ASTN1: variants seen among roughly 807,000 people sequenced by gnomAD.
ASTN1 encodes the protein astrotactin-1.
A neutral mutation model predicts 140.7 loss-of-function variants in ASTN1; 41 were observed. That is an observed-to-expected ratio of 0.29 (90% confidence interval 0.23 to 0.38). The LOEUF (loss-of-function observed/expected upper bound fraction) is 0.38, where lower values mean the gene tolerates loss of function less well. Among genes scored for constraint, ASTN1 ranks in the 10% least tolerant of loss-of-function variants. The pLI is 1.00. For synonymous variants in ASTN1, 640 were observed against 652.2 expected (o/e 0.98, Z 0.29); for missense variants, 1,479 against 1,678.8 (o/e 0.88, Z 2.08).
chr1:176,917,616 G>A (rs1288465048), intron 16 of ASTN1, among the ~76,000 whole-genome samples: 7 of 152,098 alleles, frequency 4.6e-5, no homozygotes, highest in Admixed American at 4.6e-4. Flanking sequence ...ATGAAGCCTT[G>A]GGTTCCAGTT....
intron 14 of ASTN1, among the ~76,000 whole-genome samples, chr1:176,938,267 A>G (rs1357997837): frequency 6.6e-6 from 1 of 152,222 alleles, no homozygotes. Flanking sequence ...CTTTAAAGGT[A>G]TATTTTATTA....
chr1:176,922,410 A>G (rs1670766270), intron 16 of ASTN1, among the ~76,000 whole-genome samples: 2 of 151,956 alleles, frequency 1.3e-5, no homozygotes, highest in Admixed American at 1.3e-4. Context: ...TTTGCACTTA[A>G]AAGGGAGTAA....
Position 177,146,160 on chromosome 1 carries a change from T to C in ASTN1, c.283+18234A>G, listed in dbSNP as rs566960667. Among the ~76,000 whole-genome samples, 3 of 152,338 alleles carry C rather than the reference T, an allele frequency of 2.0e-5. No homozygotes were observed. The East Asian group carries it at 5.8e-4, about 29-fold the overall frequency. ...TGAGAACAATAACAGTGTCCAACTT[T>C]TTTTGCAAATTTTTTAAATACTGGC... On this transcript the variant is annotated intron_variant, in intron 1 of 22. Transcript: ENST00000361833.
intron 18 of ASTN1, among the ~76,000 whole-genome samples, chr1:176,887,282 A>G (rs1464766402): frequency 6.6e-6 from 1 of 152,114 alleles, no homozygotes; most frequent in Non-Finnish European, 1.5e-5. Flanking sequence ...CAACTACCCC[A>G]TGACAGCTCC....
chr1:177,122,236 G>A (rs1681428485), intron 1 of ASTN1, among the ~76,000 whole-genome samples: 1 of 152,184 alleles, frequency 6.6e-6, no homozygotes, highest in Non-Finnish European at 1.5e-5. Context: ...AATGTGGAAG[G>A]CGGGAGACTC....
At chr1:177,017,821 G>A (rs766706342) in intron 7 of ASTN1, among the ~76,000 whole-genome samples, 34 of 152,120 alleles carry the variant, frequency 2.2e-4, no homozygotes, top group Non-Finnish European at 3.8e-4. Context: ...GACAGTAGAC[G>A]CCTCGAGGTA....
intron 1 of ASTN1, among the ~76,000 whole-genome samples, chr1:177,066,244 C>T (rs891230656): frequency 6.6e-6 from 1 of 152,168 alleles, no homozygotes; most frequent in Non-Finnish European, 1.5e-5. Context: ...CATGTTCCCA[C>T]TGGACCTCAG....
chr1:176,943,077 G>C (rs1481764826), intron 14 of ASTN1, among the ~76,000 whole-genome samples: 1 of 151,598 alleles, frequency 6.6e-6, no homozygotes, highest in East Asian at 2.0e-4. Flanking sequence ...ATAGGGAGAA[G>C]TGTAACAGAG....
chr1:177,132,471 C>T (rs1681987202), intron 1 of ASTN1, among the ~76,000 whole-genome samples: 1 of 152,132 alleles, frequency 6.6e-6, no homozygotes, highest in South Asian at 2.1e-4. Flanking sequence ...CATGCCCTTT[C>T]CTGAACCCAA....
At chr1:177,075,645 C>CTTTTTTTTTTTTTT (rs5778927) in intron 1 of ASTN1, among the ~76,000 whole-genome samples, 22 of 99,494 alleles carry the variant, frequency 2.2e-4, no homozygotes, top group Non-Finnish European at 2.6e-4. Flanking sequence ...CTTTTCTTTT[C>CTTTTTTTTTTTTTT]TTTTTTTTTT....
chr1:177,070,224 A>G (rs1305347108), intron 1 of ASTN1, among the ~76,000 whole-genome samples: 6 of 152,184 alleles, frequency 3.9e-5, no homozygotes, highest in South Asian at 4.1e-4. Context: ...GGAATTTTGG[A>G]AAAAGTCAAA....
chr1:177,031,974 G>A (rs1676466232), intron 3 of ASTN1, among the ~76,000 whole-genome samples: 1 of 152,154 alleles, frequency 6.6e-6, no homozygotes, highest in African/African-American at 2.4e-5. Flanking sequence ...AGAGAGCACA[G>A]AGGCATGAGC....
intron 8 of ASTN1, among the ~76,000 whole-genome samples, chr1:176,979,063 G>A (rs1673490111): frequency 6.6e-6 from 1 of 152,188 alleles, no homozygotes; most frequent in Admixed American, 6.5e-5. Flanking sequence ...ACCACACGTT[G>A]AGGAAAGTGC....
At position 177,014,832 on chromosome 1, in the gene ASTN1, A is replaced by C; in HGVS notation, c.1482T>G (p.His494Gln). 6.2e-7 allele frequency: 1 copy of C among 1,613,882 alleles called. No homozygotes were observed. Among genetic ancestry groups the C allele is most frequent in the Non-Finnish European group, 8.5e-7 (1 of 1,179,822 alleles). The change falls in exon 8 of 23, where the codon CAT becomes CAG. Residue 494 changes from histidine to glutamine, a missense_variant. This residue lies in a region of ASTN1 where 729 missense variants were observed against 860.4 expected (regional missense o/e 0.85). Coordinates refer to ENST00000361833, the MANE Select transcript of ASTN1 (RefSeq NM_004319.3). ...CYEGYMKDPV[H>Q]KHLCIRNEWG... ...ATTCGTTCCGAATGCAAAGGTGCTTATGTACTGGATCCTTCATGTAGCCTT... is the reference window on the plus strand; with the variant it reads ...ATTCGTTCCGAATGCAAAGGTGCTTCTGTACTGGATCCTTCATGTAGCCTT...
chr1:177,012,139 A>T (rs1675326285), intron 8 of ASTN1, among the ~76,000 whole-genome samples: 1 of 152,196 alleles, frequency 6.6e-6, no homozygotes, highest in African/African-American at 2.4e-5. Context: ...TTTCCATAAT[A>T]CCCCAATATG....
At chr1:176,935,567 T>C (rs1013414167) in intron 15 of ASTN1, among the ~76,000 whole-genome samples, 5 of 152,192 alleles carry the variant, frequency 3.3e-5, no homozygotes, top group African/African-American at 9.7e-5. Flanking sequence ...CACAAAACTT[T>C]ACCCTTTGTG....
chr1:176,970,731 G>GGGGTGT (rs1553235892), intron 8 of ASTN1, among the ~76,000 whole-genome samples: 2 of 147,140 alleles, frequency 1.4e-5, no homozygotes, highest in African/African-American at 5.0e-5. Flanking sequence ...TGTGGGTATG[G>GGGGTGT]GTGTGTGTGT....
rs1265148098 is a variant in ASTN1 at position 177,154,617 on chromosome 1, T to C, written c.283+9777A>G. Among the ~76,000 whole-genome samples, 4 of 152,076 alleles carry C rather than the reference T, an allele frequency of 2.6e-5. No individual in the cohort carries two copies. The East Asian group carries it at 7.7e-4, about 29-fold the overall frequency. On this transcript the variant is annotated intron_variant, in intron 1 of 22. Coordinates refer to ENST00000361833, the MANE Select transcript of ASTN1 (RefSeq NM_004319.3). The stretch of plus-strand genomic sequence containing the variant: ...TAACAATATGACACCACCATTTCCT[T>C]GAATTTAAAATACATTAACACAGAA...
At chr1:176,899,691 AC>A (rs1669683449) in intron 16 of ASTN1, among the ~76,000 whole-genome samples, 2 of 151,682 alleles carry the variant, frequency 1.3e-5, no homozygotes, top group South Asian at 4.2e-4. Flanking sequence ...CCCAACCCCC[AC>A]CCCAGTCTAC....
Sources: gnomAD v4.1 joint callset for allele counts (sites outside exome capture counted in the v4.1 genomes callset) on GRCh38, gnomAD v4.1.1 for gene constraint, gnomAD v4.1.1 regional missense constraint, MANE v1.5 for transcripts, NCBI Gene and HGNC (gene_info 2026-07-23, HGNC 2026-07-21) for gene names.